The following GUCY1A2 variants were observed in gnomAD, a reference collection of about 807,000 sequenced individuals.
The protein encoded by GUCY1A2 is guanylate cyclase soluble subunit alpha-2.
Under a neutral mutation model 63.5 loss-of-function variants are expected in GUCY1A2, and 27 were observed. The observed-to-expected ratio is 0.43, with a 90% confidence interval of 0.31 to 0.59. GUCY1A2 has a LOEUF of 0.59. Among genes scored for constraint, GUCY1A2 ranks in the 20% least tolerant of loss-of-function variants. The probability of loss-of-function intolerance (pLI) is 0.11; values close to 1 mark genes in which losing one functional copy is unlikely to be tolerated. For synonymous variants in GUCY1A2, 364 were observed against 343.5 expected, an observed-to-expected ratio of 1.06 and a Z score of -0.66; for missense variants, 768 against 913.3, an observed-to-expected ratio of 0.84 and a Z score of 2.05.
intron 1 of GUCY1A2, among the ~76,000 whole-genome samples, chr11:106,990,102 C>G (rs907721989): frequency 1.6e-4 from 24 of 152,096 alleles, no homozygotes; most frequent in African/African-American, 5.8e-4. Flanking sequence ...TCTCTCCTTC[C>G]CCCAAACTAA....
At chr11:106,959,098 G>A (rs1280921403) in intron 3 of GUCY1A2, among the ~76,000 whole-genome samples, 2 of 152,058 alleles carry the variant, frequency 1.3e-5, no homozygotes, top group Admixed American at 6.6e-5. Flanking sequence ...TATTCGTTAC[G>A]GTCTCAAAGT....
chr11:106,994,186 T>C (rs186470884), intron 1 of GUCY1A2, among the ~76,000 whole-genome samples: 1 of 152,222 alleles, frequency 6.6e-6, no homozygotes, highest in Non-Finnish European at 1.5e-5. Context: ...TATGCTCTAA[T>C]AGCAAACCAC....
intron 7 of GUCY1A2, among the ~76,000 whole-genome samples, chr11:106,694,000 A>G (rs1466642670): frequency 6.6e-6 from 1 of 152,190 alleles, no homozygotes; most frequent in African/African-American, 2.4e-5. Context: ...CTATTTAAGT[A>G]TAAGTCATTA....
At chr11:106,709,279 A>T (rs1862988621) in intron 6 of GUCY1A2, among the ~76,000 whole-genome samples, 1 of 59,536 alleles carries the variant, frequency 1.7e-5, no homozygotes. Context: ...TTATATATAT[A>T]AATTTATATA....
At chr11:106,836,881 C>T (rs551597839) in intron 4 of GUCY1A2, among the ~76,000 whole-genome samples, 7 of 151,772 alleles carry the variant, frequency 4.6e-5, no homozygotes, top group East Asian at 1.9e-4. Flanking sequence ...GTGGTAGTGC[C>T]GGGTAGAGTC....
At position 107,017,855 on chromosome 11, in the gene GUCY1A2, G is replaced by T. The variant is rs766073233; in HGVS notation, c.201C>A (p.Ala67=). Residue 67 remains alanine, a synonymous_variant, in exon 1 of 8, where the codon GCC becomes GCA. Coordinates refer to ENST00000526355, the MANE Select transcript of GUCY1A2 (RefSeq NM_000855.3). ...CCCCGGCAGTGGCAGCGGCGGCGGC[G>T]GCAGAAGCAGCCGGGGTCGGGGCCG... The part of the protein sequence containing the change: ...AAPAPTPAAS[A]AAAAATAGAR... 43 of 1,252,786 alleles carry T rather than the reference G, an allele frequency of 3.4e-5. No homozygotes were observed. In the African/African-American group the frequency reaches 5.9e-4, roughly 17 times the overall value. The allele number at this position is 1,252,786 out of a possible 1,614,324, so 77.6% of individuals were successfully genotyped here.
chr11:106,855,342 C>T (rs986124637), intron 4 of GUCY1A2, among the ~76,000 whole-genome samples: 4 of 152,112 alleles, frequency 2.6e-5, no homozygotes, highest in East Asian at 1.9e-4. Flanking sequence ...CATTCCAAAC[C>T]GATCCTGGCC....
intron 3 of GUCY1A2, among the ~76,000 whole-genome samples, chr11:106,957,547 C>T (rs1214326558): frequency 6.6e-6 from 1 of 151,740 alleles, no homozygotes; most frequent in Non-Finnish European, 1.5e-5. Context: ...TTCCCCTTCC[C>T]CGTGTGGCTC....
intron 4 of GUCY1A2, chr11:106,826,264 A>G: frequency 1.4e-6 from 1 of 719,188 alleles, no homozygotes; most frequent in South Asian, 2.0e-5. Context: ...TTTTTCCACT[A>G]ATATCATTAT....
intron 6 of GUCY1A2, among the ~76,000 whole-genome samples, chr11:106,771,830 AT>A (rs1426578934): frequency 6.6e-6 from 1 of 152,146 alleles, no homozygotes; most frequent in Non-Finnish European, 1.5e-5. Flanking sequence ...GTTCTTCCAT[AT>A]TTTCAGCCAG....
intron 4 of GUCY1A2, among the ~76,000 whole-genome samples, chr11:106,924,646 C>T (rs113202136): frequency 1.3e-4 from 20 of 152,136 alleles, no homozygotes; most frequent in African/African-American, 2.4e-4. Context: ...ATATTTGCAA[C>T]GGGAGTCAAA....
chr11:106,796,483 G>A (rs112726749), intron 5 of GUCY1A2, among the ~76,000 whole-genome samples: 2 of 150,998 alleles, frequency 1.3e-5, no homozygotes, highest in African/African-American at 4.8e-5. Flanking sequence ...CCTTCAGGAT[G>A]TCTCAGCATT....
chr11:106,838,223 T>C (rs1859143034), intron 4 of GUCY1A2, among the ~76,000 whole-genome samples: 1 of 151,980 alleles, frequency 6.6e-6, no homozygotes, highest in Admixed American at 6.6e-5. Flanking sequence ...TTGTCTCTTG[T>C]AGTATGTCTC....
At chr11:106,824,334 A>G (rs1232947626) in intron 4 of GUCY1A2, among the ~76,000 whole-genome samples, 1 of 152,176 alleles carries the variant, frequency 6.6e-6, no homozygotes, top group Non-Finnish European at 1.5e-5. Flanking sequence ...GAGAAAATAT[A>G]GTTTTCTGTA....
chr11:106,901,122 A>G (rs761835267), intron 4 of GUCY1A2, among the ~76,000 whole-genome samples: 2 of 152,316 alleles, frequency 1.3e-5, no homozygotes, highest in Non-Finnish European at 2.9e-5. Context: ...CTATTATGTA[A>G]TATCCTAAAT....
chr11:106,781,656 C>T (rs1266902423), intron 5 of GUCY1A2, among the ~76,000 whole-genome samples: 2 of 151,816 alleles, frequency 1.3e-5, no homozygotes, highest in African/African-American at 2.4e-5. Context: ...CCCTCCATCC[C>T]GGGTTCAAGC....
intron 4 of GUCY1A2, among the ~76,000 whole-genome samples, chr11:106,814,774 T>C (rs1445510316): frequency 6.6e-6 from 1 of 152,066 alleles, no homozygotes; most frequent in African/African-American, 2.4e-5. Flanking sequence ...GGCCAGGACC[T>C]ACATGCCAAA....
At chr11:106,927,023 C>CA (rs201163676) in intron 4 of GUCY1A2, among the ~76,000 whole-genome samples, 9,207 of 145,386 alleles carry the variant, frequency 0.063, 337 homozygotes, top group Non-Finnish European at 0.081. Flanking sequence ...TACTTAAAAA[C>CA]AAAAAAAAAA....
intron 4 of GUCY1A2, chr11:106,827,364 A>C (rs1858985918): frequency 6.4e-7 from 1 of 1,555,890 alleles, no homozygotes; most frequent in African/African-American, 1.4e-5. Flanking sequence ...CTATAGCTTT[A>C]TCTTTAATGG....
Sources: gnomAD v4.1 joint callset for allele counts (sites outside exome capture counted in the v4.1 genomes callset) on GRCh38, gnomAD v4.1.1 for gene constraint, MANE v1.5 for transcripts, NCBI Gene and HGNC (gene_info 2026-07-23, HGNC 2026-07-21) for gene names.